GSDME: variants seen among roughly 807,000 people sequenced by gnomAD.
The protein encoded by GSDME is gasdermin E.
A neutral mutation model predicts 47.5 loss-of-function variants in GSDME; 44 were observed. The ratio of observed to expected loss-of-function variants is 0.93; its 90% CI spans 0.73 to 1.19. GSDME has a LOEUF of 1.19. Among genes scored for constraint, GSDME ranks in the 50% most tolerant of loss-of-function variants. The pLI, the probability that GSDME is intolerant of heterozygous loss-of-function variation, is 0.00. For missense variants in GSDME, 663 were observed against 604.2 expected, an observed-to-expected ratio of 1.10 and a Z score of -1.02; for synonymous variants, 258 against 252.8, an observed-to-expected ratio of 1.02 and a Z score of -0.20.
intron 3 of GSDME, among the ~76,000 whole-genome samples, chr7:24,723,496 A>G (rs942745268): frequency 3.0e-4 from 46 of 152,206 alleles, no homozygotes; most frequent in African/African-American, 9.7e-4. Context: ...TGTTTACTGT[A>G]TAACCTTATA....
At position 24,739,735 on chromosome 7, in the gene GSDME, C is replaced by T. The variant is rs62449823; in HGVS notation, c.404+4827G>A. 3.7e-4 allele frequency among the ~76,000 whole-genome samples: 56 copies of T among 152,106 alleles called. No homozygotes were observed. Among genetic ancestry groups the T allele is most frequent in the Non-Finnish European group, 7.5e-4 (51 of 68,018 alleles). On this transcript the variant is annotated intron_variant, in intron 3 of 9. Coordinates refer to ENST00000645220, the MANE Select transcript of GSDME (RefSeq NM_001127453.2). The surrounding 1 kb of genome is among the most constrained non-coding windows in gnomAD (Gnocchi z 5.1). ...CAAAATTTGGAAACAACCTAATCCT[C>T]AATAGATGAATAAAGAAAATGTGGT...
chr7:24,719,155 G>T lies in GSDME; in HGVS notation c.468C>A (p.Cys156Ter). The T allele has an allele frequency of 6.2e-7, 1 of 1,613,792 alleles. No individual in the cohort carries two copies. ...TCGTCGTGATCTTCTGTGTCAAAACGCACAGGACCTCATTCCTTCCTTCCA... is the reference window on the plus strand; with the variant it reads ...TCGTCGTGATCTTCTGTGTCAAAACTCACAGGACCTCATTCCTTCCTTCCA... The part of the protein sequence containing the change: ...QVLEGRNEVL[C>*]VLTQKITTMQ... Residue 156 changes from cysteine (C) to a stop codon, truncating the protein, a stop_gained, in exon 4 of 10, where the codon TGC (cysteine) becomes TGA (stop). Transcript: ENST00000645220. LOFTEE classifies it high-confidence loss of function.
the GSDME span, among the ~76,000 whole-genome samples, chr7:24,782,221 C>A: frequency 7.7e-6 from 1 of 129,112 alleles, no homozygotes; most frequent in Non-Finnish European, 1.6e-5. Flanking sequence ...CCCCCCTCCC[C>A]CCACCCCACA....
At position 24,708,111 on chromosome 7, in the gene GSDME, A is replaced by T. The variant is rs201741635; in HGVS notation, c.990+16T>A. On this transcript the variant is annotated intron_variant, in intron 7 of 9. Coordinates refer to ENST00000645220, the MANE Select transcript of GSDME (RefSeq NM_001127453.2). ...ACCCCAGTGAAAACACTGCCTTGAG[A>T]TGTCTCAGGGCTCACCACTGGTTCC... 2.5e-4 allele frequency: 399 copies of T among 1,613,856 alleles called. 4 individuals are homozygous for T. Among genetic ancestry groups the T allele is most frequent in the Non-Finnish European group, 3.6e-5 (43 of 1,179,932 alleles).
intron 1 of GSDME, among the ~76,000 whole-genome samples, chr7:24,753,219 A>C (rs1790911783): frequency 6.6e-6 from 1 of 152,208 alleles, no homozygotes; most frequent in Non-Finnish European, 1.5e-5. Flanking sequence ...AAATGATGTA[A>C]AGGATACACA....
chr7:24,743,269 C>G (rs970435986), intron 3 of GSDME, among the ~76,000 whole-genome samples: 1 of 152,116 alleles, frequency 6.6e-6, no homozygotes, highest in Admixed American at 6.5e-5. Flanking sequence ...ATTTAATATT[C>G]CATATAATCT....
Position 24,721,779 on chromosome 7 carries a change from T to C in GSDME, c.405-2561A>G, listed in dbSNP as rs985487293. ...CCTTCTTAAAAGCCTTCAATGGCTA[T>C]ATCCCATGTCCAGTGCGTTCCCAGG... On this transcript the variant is annotated intron_variant, in intron 3 of 9. Coordinates refer to ENST00000645220, the MANE Select transcript of GSDME (RefSeq NM_001127453.2). The surrounding 1 kb of genome is among the most constrained non-coding windows in gnomAD (Gnocchi z 4.1). 6.6e-6 allele frequency among the ~76,000 whole-genome samples: 1 copy of C among 152,230 alleles called. No individual in the cohort carries two copies. The highest frequency in any genetic ancestry group is 1.9e-4 in the East Asian group (1 of 5,196).
In GSDME at chr7:24,710,302, C is replaced by T. The variant is rs193228459; in HGVS notation, c.784G>A (p.Glu262Lys). Residue 262 changes from glutamate (E) to lysine (K), a missense_variant, in exon 6 of 10, where the codon GAG (glutamate) becomes AAG (lysine). Transcript: ENST00000645220. ...TCTGGCATGTCTATGAATGCAAACT[C>T]TCGAAAGACCAGGGGGTCCAGGTAG... ...SVYLDPLVFREFAFIDMPDAA... is the reference protein window; with the variant it reads ...SVYLDPLVFRKFAFIDMPDAA... The T allele has an allele frequency of 1.2e-6, 2 of 1,614,250 alleles. No homozygotes were observed. The highest frequency in any genetic ancestry group is 8.5e-7 in the Non-Finnish European group (1 of 1,180,044).
At chr7:24,711,542 C>T (rs181236365) in intron 5 of GSDME, among the ~76,000 whole-genome samples, 2 of 152,112 alleles carry the variant, frequency 1.3e-5, no homozygotes, top group East Asian at 2.0e-4. Flanking sequence ...TAAAAAGGGC[C>T]GGGCATGGTG....
the GSDME span, among the ~76,000 whole-genome samples, chr7:24,787,044 C>T: frequency 6.6e-6 from 1 of 152,158 alleles, no homozygotes; most frequent in Non-Finnish European, 1.5e-5. This position sits in a 1 kb window ranked among gnomAD's most constrained non-coding sequence, Gnocchi z 5.0. Flanking sequence ...TTTCCTTGGC[C>T]TCCTCTGGTT....
the GSDME span, among the ~76,000 whole-genome samples, chr7:24,794,008 C>A: frequency 2.0e-5 from 3 of 152,218 alleles, no homozygotes; most frequent in Non-Finnish European, 4.4e-5. Context: ...CCCTTGTTTA[C>A]ACTGACAACA....
chr7:24,713,410 G>C (rs1789432050), intron 5 of GSDME, among the ~76,000 whole-genome samples: 1 of 152,202 alleles, frequency 6.6e-6, no homozygotes, highest in African/African-American at 2.4e-5. Flanking sequence ...TCCTGCTTCT[G>C]TCATCTTTTC....
intron 8 of GSDME, 23 bp from the exon 9 acceptor site, chr7:24,702,856 T>C (rs775857863): frequency 6.2e-7 from 1 of 1,608,130 alleles, no homozygotes; most frequent in East Asian, 2.2e-5. Flanking sequence ...AAAATCACAG[T>C]CACAGTCCAA....
In GSDME at chr7:24,705,065, T is replaced by G. The variant is rs999725081; in HGVS notation, c.1183+1119A>C. The G allele has an allele frequency of 6.6e-6, 1 of 152,226 alleles. No individual in the cohort carries two copies. Among genetic ancestry groups the G allele is most frequent in the African/African-American group, 2.4e-5 (1 of 41,446 alleles). 9.4% of individuals were successfully genotyped at this position (152,226 alleles called of 1,614,324 possible). A position where few individuals can be genotyped will look rare whatever the true frequency, so the allele number is the denominator to read the frequency against. On this transcript the variant is annotated intron_variant, in intron 8 of 9. Coordinates refer to ENST00000645220, the MANE Select transcript of GSDME (RefSeq NM_001127453.2). This position sits in a 1 kb window ranked among gnomAD's most constrained non-coding sequence, Gnocchi z 4.1. ...TGCTTTCATGATGCTGGCCCTGTGTTACCTACTTGGCATCACTGATCCAGG... is the reference window on the plus strand; with the variant it reads ...TGCTTTCATGATGCTGGCCCTGTGTGACCTACTTGGCATCACTGATCCAGG...
chr7:24,738,635 A>C (rs2128060829), intron 3 of GSDME, among the ~76,000 whole-genome samples: 1 of 150,362 alleles, frequency 6.7e-6, no homozygotes, highest in East Asian at 2.0e-4. Flanking sequence ...AAACTACCCT[A>C]AAATTTATGT....
chr7:24,737,033 C>T (rs1337412147), intron 3 of GSDME, among the ~76,000 whole-genome samples: 1 of 151,926 alleles, frequency 6.6e-6, no homozygotes, highest in African/African-American at 2.4e-5. Context: ...AAGTTTATAG[C>T]TGTACATAAA....
chr7:24,702,427 T>C (rs886152798), intron 9 of GSDME: 2 of 360,124 alleles, frequency 5.6e-6, no homozygotes, highest in Admixed American at 3.8e-5. Context: ...GCAAATAATA[T>C]GGTGTCAGGC....
chr7:24,763,073 A>G, the GSDME span, among the ~76,000 whole-genome samples: 1 of 152,198 alleles, frequency 6.6e-6, no homozygotes, highest in African/African-American at 2.4e-5. The surrounding 1 kb of genome is among the most constrained non-coding windows in gnomAD (Gnocchi z 4.3). Context: ...GATGGCACCA[A>G]ACCCAGCCAG....
chr7:24,708,004 G>T, intron 7 of GSDME, 123 bp downstream of exon 7: 1 of 1,280,474 alleles, frequency 7.8e-7, no homozygotes, highest in Non-Finnish European at 1.1e-6. Context: ...CCAAGAGTCA[G>T]AAAAGAGACA....
Sources: allele counts gnomAD v4.1 joint callset (sites outside exome capture counted in the v4.1 genomes callset), GRCh38; gene constraint gnomAD v4.1.1; non-coding constraint Gnocchi (gnomAD v3.1); transcripts MANE v1.5; gene names NCBI Gene and HGNC (gene_info 2026-07-23, HGNC 2026-07-21).